BCL2: variants seen among roughly 807,000 people sequenced by gnomAD.
BCL2 encodes the protein apoptosis regulator Bcl-2.
A neutral mutation model predicts 14.2 loss-of-function variants in BCL2; 1 was observed. The observed-to-expected ratio is 0.07, with a 90% CI of 0.02 to 0.33. The LOEUF (loss-of-function observed/expected upper bound fraction) is 0.33, where lower values mean the gene tolerates loss of function less well. BCL2 is among the 10% of genes least tolerant of loss of function. BCL2 has a pLI of 0.99. For missense variants in BCL2, 247 were observed against 305.9 expected (o/e 0.81, Z 1.44); for synonymous variants, 151 against 137.2 (o/e 1.10, Z -0.70).
At chr18:63,311,470 T>C (rs1291000158) in intron 2 of BCL2, among the ~76,000 whole-genome samples, 2 of 152,166 alleles carry the variant, frequency 1.3e-5, no homozygotes, top group African/African-American at 4.8e-5. Flanking sequence ...AAAGATGTAT[T>C]GGTCTCAATG....
chr18:63,259,550 T>A (rs985588423), intron 2 of BCL2, among the ~76,000 whole-genome samples: 4 of 152,284 alleles, frequency 2.6e-5, no homozygotes, highest in African/African-American at 9.6e-5. Context: ...AGAATCCTGA[T>A]GGCAGTCATT....
intron 2 of BCL2, among the ~76,000 whole-genome samples, chr18:63,245,423 C>T (rs574661859): frequency 6.6e-6 from 1 of 152,310 alleles, no homozygotes; most frequent in South Asian, 2.1e-4. Flanking sequence ...AAAGACTCAT[C>T]CACCTTCTCT....
chr18:63,255,701 A>G (rs1370533462), intron 2 of BCL2, among the ~76,000 whole-genome samples: 2 of 152,154 alleles, frequency 1.3e-5, no homozygotes, highest in African/African-American at 4.8e-5. Flanking sequence ...AAAACATGGG[A>G]AGACAATATC....
chr18:63,142,551 C>G (rs548348147), intron 2 of BCL2, among the ~76,000 whole-genome samples: 1 of 152,190 alleles, frequency 6.6e-6, no homozygotes, highest in African/African-American at 2.4e-5. Flanking sequence ...AGCACCCCAA[C>G]GTATAATAGT....
rs189079931 is a variant in BCL2 at position 63,146,828 on chromosome 18, T to C, written c.586-18069A>G. On this transcript the variant is annotated intron_variant, in intron 2 of 2. Transcript: ENST00000333681. Reference sequence around the variant, plus strand: ...AAATTTTTGATCCCCAGGCATAAGTTCATGGTTGATGGAATATAGATTCAA... The same window carrying C: ...AAATTTTTGATCCCCAGGCATAAGTCCATGGTTGATGGAATATAGATTCAA... Among the ~76,000 whole-genome samples, 133 of 152,286 alleles carry C rather than the reference T, an allele frequency of 8.7e-4. 1 individual carries two copies. The highest frequency in any genetic ancestry group is 1.2e-3 in the East Asian group (6 of 5,176).
At chr18:63,169,127 TC>T (rs1182868809) in intron 2 of BCL2, among the ~76,000 whole-genome samples, 1 of 152,212 alleles carries the variant, frequency 6.6e-6, no homozygotes, top group African/African-American at 2.4e-5. Flanking sequence ...AGGCACCTGA[TC>T]ATCCCTGGTG....
intron 2 of BCL2, among the ~76,000 whole-genome samples, chr18:63,200,234 CAG>C (rs762728642): frequency 1.3e-5 from 2 of 152,202 alleles, no homozygotes; most frequent in Admixed American, 6.5e-5. Flanking sequence ...CCACACCAAA[CAG>C]AGTGAAGCAG....
chr18:63,220,778 G>A (rs1397995494), intron 2 of BCL2, among the ~76,000 whole-genome samples: 2 of 151,504 alleles, frequency 1.3e-5, no homozygotes, highest in African/African-American at 4.9e-5. Context: ...TTCAGGGAAG[G>A]TTTCCGGTAG....
At chr18:63,235,016 C>A (rs1190380260) in intron 2 of BCL2, among the ~76,000 whole-genome samples, 1 of 151,956 alleles carries the variant, frequency 6.6e-6, no homozygotes, top group Non-Finnish European at 1.5e-5. Flanking sequence ...AAAAACGGGC[C>A]AAGGAAAGAA....
intron 2 of BCL2, among the ~76,000 whole-genome samples, chr18:63,173,534 A>T (rs896851226): frequency 1.3e-5 from 2 of 151,526 alleles, no homozygotes; most frequent in African/African-American, 4.9e-5. Flanking sequence ...GGATGGAGGA[A>T]GTGAATTTTA....
intron 2 of BCL2, among the ~76,000 whole-genome samples, chr18:63,286,369 T>C (rs535460983): frequency 6.6e-6 from 1 of 151,910 alleles, no homozygotes; most frequent in Non-Finnish European, 1.5e-5. Context: ...ACACAGAAAA[T>C]GGATGTAGAC....
chr18:63,143,962 C>T (rs1215169617), intron 2 of BCL2, among the ~76,000 whole-genome samples: 1 of 152,188 alleles, frequency 6.6e-6, no homozygotes, highest in Non-Finnish European at 1.5e-5. Flanking sequence ...AAATCAGGTA[C>T]TCAGTAAACG....
At chr18:63,295,348 G>C (rs1029450529) in intron 2 of BCL2, among the ~76,000 whole-genome samples, 7 of 152,050 alleles carry the variant, frequency 4.6e-5, no homozygotes, top group African/African-American at 1.7e-4. Flanking sequence ...GTCTGTCAAG[G>C]GCCAAGTGAA....
intron 2 of BCL2, among the ~76,000 whole-genome samples, chr18:63,312,804 G>A (rs1292614445): frequency 1.3e-5 from 2 of 152,202 alleles, no homozygotes; most frequent in Non-Finnish European, 2.9e-5. Flanking sequence ...TCTAATCGGA[G>A]CCTTGATTGT....
chr18:63,281,354 A>T (rs900137648), intron 2 of BCL2, among the ~76,000 whole-genome samples: 11 of 152,260 alleles, frequency 7.2e-5, no homozygotes, highest in African/African-American at 2.2e-4. Flanking sequence ...ACCACAATTT[A>T]AAAAAATTAT....
intron 2 of BCL2, among the ~76,000 whole-genome samples, chr18:63,225,635 C>G (rs1334743111): frequency 6.6e-6 from 1 of 152,180 alleles, no homozygotes; most frequent in African/African-American, 2.4e-5. Context: ...AACTGGAGTG[C>G]ATGGGCGCTG....
chr18:63,212,504 G>A (rs1344850135), intron 2 of BCL2, among the ~76,000 whole-genome samples: 1 of 151,744 alleles, frequency 6.6e-6, no homozygotes, highest in Non-Finnish European at 1.5e-5. Flanking sequence ...GGTAGAGAGT[G>A]AGTATCACAA....
intron 2 of BCL2, among the ~76,000 whole-genome samples, chr18:63,211,535 C>G (rs1410681907): frequency 6.6e-6 from 1 of 152,160 alleles, no homozygotes; most frequent in Admixed American, 6.5e-5. Context: ...ACCTTTAAAC[C>G]TTCACTGACT....
intron 2 of BCL2, among the ~76,000 whole-genome samples, chr18:63,185,169 C>G (rs932459559): frequency 6.6e-6 from 1 of 152,222 alleles, no homozygotes; most frequent in African/African-American, 2.4e-5. Context: ...CAAACATATT[C>G]AGTGTCACAA....
Sources: gnomAD v4.1 joint callset for allele counts (sites outside exome capture counted in the v4.1 genomes callset) on GRCh38, gnomAD v4.1.1 for gene constraint, MANE v1.5 for transcripts, NCBI Gene and HGNC (gene_info 2026-07-23, HGNC 2026-07-21) for gene names.